NEXMIF: variants seen among roughly 807,000 people sequenced by gnomAD.
NEXMIF encodes XLMR protein related to neurite extension.
NEXMIF carries 8 observed loss-of-function variants against 62.1 expected under a neutral mutation model. That is an observed-to-expected ratio of 0.13 (90% CI 0.08 to 0.23). NEXMIF has a LOEUF of 0.23. Among genes scored for constraint, NEXMIF ranks in the 10% least tolerant of loss-of-function variants. NEXMIF has a pLI of 1.00. For synonymous variants in NEXMIF, 404 were observed against 416.6 expected (o/e 0.97, Z 0.37); for missense variants, 976 against 1,113.3 (o/e 0.88, Z 1.75).
chrX:74,761,758 C>T (rs773729580), intron 1 of NEXMIF, among the ~76,000 whole-genome samples: 223 of 111,036 alleles, frequency 2.0e-3, no homozygotes, highest in Non-Finnish European at 3.3e-3. Context: ...TTCTTGTCTT[C>T]TGCTAGCTTT....
chrX:74,845,258 C>T (rs1263935152), intron 1 of NEXMIF, among the ~76,000 whole-genome samples: 1 of 111,121 alleles, frequency 9.0e-6, no homozygotes, highest in Non-Finnish European at 1.9e-5. Context: ...AAAAAATACC[C>T]CACACACCTT....
At chrX:74,915,455 A>T (rs956600684) in intron 1 of NEXMIF, among the ~76,000 whole-genome samples, 4 of 111,890 alleles carry the variant, frequency 3.6e-5, no homozygotes, top group African/African-American at 1.3e-4. Flanking sequence ...ACAACAAAAA[A>T]GTCAAGTCAC....
At chrX:74,858,005 A>G (rs2080541652) in intron 1 of NEXMIF, among the ~76,000 whole-genome samples, 1 of 112,273 alleles carries the variant, frequency 8.9e-6, no homozygotes, top group South Asian at 3.7e-4. Context: ...GCAATATAAT[A>G]GAACACCAGG....
At chrX:74,759,059 C>T (rs2080168102) in intron 1 of NEXMIF, among the ~76,000 whole-genome samples, 1 of 112,212 alleles carries the variant, frequency 8.9e-6, no homozygotes, top group Non-Finnish European at 1.9e-5. Flanking sequence ...ACTTCGCCAA[C>T]ATCTGTTATT....
At chrX:74,855,034 C>A (rs1376337589) in intron 1 of NEXMIF, among the ~76,000 whole-genome samples, 1 of 111,359 alleles carries the variant, frequency 9.0e-6, no homozygotes, top group Non-Finnish European at 1.9e-5. Flanking sequence ...ATCAAAATAT[C>A]AATGTCATTT....
At chrX:74,841,043 T>C (rs1345617074) in intron 1 of NEXMIF, among the ~76,000 whole-genome samples, 1 of 112,295 alleles carries the variant, frequency 8.9e-6, no homozygotes, top group Non-Finnish European at 1.9e-5. Context: ...TTGATAGGAA[T>C]AGAATTGAAT....
At position 74,766,929 on chromosome X, in the gene NEXMIF, T is replaced by TAG. The variant is rs1296823458; in HGVS notation, c.-47-21234_-47-21233dup. Among the ~76,000 whole-genome samples the TAG allele has an allele frequency of 2.7e-5, 3 of 112,055 alleles. No homozygotes were observed. In the East Asian group the frequency reaches 8.5e-4, roughly 32 times the overall value. On this transcript the variant is annotated intron_variant, in intron 1 of 3. Coordinates refer to ENST00000055682, the MANE Select transcript of NEXMIF (RefSeq NM_001008537.3). ...GGGCAGGGTGGTTGTGCTGCAGTCC[T>TAG]AGGTCGAGTGGCCCTGACTAGTGAG...
intron 1 of NEXMIF, among the ~76,000 whole-genome samples, chrX:74,879,329 A>G (rs759544765): frequency 1.8e-5 from 2 of 112,253 alleles, no homozygotes; most frequent in South Asian, 7.3e-4. Context: ...CTACACATCC[A>G]AGGAGCTCAA....
At chrX:74,791,347 AG>A (rs2080281853) in intron 1 of NEXMIF, among the ~76,000 whole-genome samples, 1 of 111,605 alleles carries the variant, frequency 9.0e-6, no homozygotes, top group African/African-American at 3.3e-5. Flanking sequence ...ATGCTGGATA[AG>A]CTTTTTGATG....
At chrX:74,783,971 A>G (rs1448544590) in intron 1 of NEXMIF, among the ~76,000 whole-genome samples, 1 of 111,008 alleles carries the variant, frequency 9.0e-6, no homozygotes, top group Non-Finnish European at 1.9e-5. Context: ...CCTAGCATAC[A>G]ATGCCTGAGC....
chrX:74,854,178 C>T (rs1371519846), intron 1 of NEXMIF, among the ~76,000 whole-genome samples: 2 of 111,891 alleles, frequency 1.8e-5, no homozygotes, highest in Non-Finnish European at 3.8e-5. Context: ...AACTCCTTAA[C>T]TACATACTAG....
chrX:74,820,966 C>G (rs912307262), intron 1 of NEXMIF, among the ~76,000 whole-genome samples: 4 of 111,024 alleles, frequency 3.6e-5, no homozygotes, highest in African/African-American at 6.6e-5. Context: ...AAACCCCAGC[C>G]ACATGCAATT....
intron 1 of NEXMIF, among the ~76,000 whole-genome samples, chrX:74,829,078 ATAG>A (rs1259265293): frequency 8.9e-6 from 1 of 112,170 alleles, no homozygotes; most frequent in Non-Finnish European, 1.9e-5. Flanking sequence ...TTGTGGGTAC[ATAG>A]TAGGTACATA....
intron 1 of NEXMIF, among the ~76,000 whole-genome samples, chrX:74,884,920 A>G (rs2080684514): frequency 1.8e-5 from 2 of 111,627 alleles, no homozygotes; most frequent in African/African-American, 6.5e-5. Context: ...AGCAAATGTA[A>G]AAGAACAGAA....
chrX:74,866,713 A>G (rs1315576198), intron 1 of NEXMIF, among the ~76,000 whole-genome samples: 2 of 112,464 alleles, frequency 1.8e-5, no homozygotes, highest in African/African-American at 6.5e-5. Flanking sequence ...ATGATAGTGA[A>G]TAAGTCTCAA....
At chrX:74,753,062 A>G (rs2080149060) in intron 1 of NEXMIF, among the ~76,000 whole-genome samples, 1 of 112,029 alleles carries the variant, frequency 8.9e-6, no homozygotes. Flanking sequence ...TATAAGGACT[A>G]TATCCTAATC....
At chrX:74,822,706 C>T (rs780479424) in intron 1 of NEXMIF, among the ~76,000 whole-genome samples, 7 of 112,016 alleles carry the variant, frequency 6.2e-5, no homozygotes, top group Non-Finnish European at 9.4e-5. Flanking sequence ...ACTTCATACC[C>T]ACTATGATGG....
chrX:74,769,205 C>G (rs767925361), intron 1 of NEXMIF, among the ~76,000 whole-genome samples: 1 of 110,963 alleles, frequency 9.0e-6, no homozygotes, highest in Non-Finnish European at 1.9e-5. Context: ...GGCACCACCT[C>G]TTTCCCATCA....
At chrX:74,822,504 A>C (rs2080400440) in intron 1 of NEXMIF, among the ~76,000 whole-genome samples, 1 of 112,370 alleles carries the variant, frequency 8.9e-6, no homozygotes, top group Admixed American at 9.4e-5. Context: ...GATAAGGAAC[A>C]TGTATCTAGA....
Sources: gnomAD v4.1 joint callset for allele counts (sites outside exome capture counted in the v4.1 genomes callset) on GRCh38, gnomAD v4.1.1 for gene constraint, MANE v1.5 for transcripts, NCBI Gene and HGNC (gene_info 2026-07-23, HGNC 2026-07-21) for gene names.